Variants in ANGPT2 observed in about 807,000 individuals in gnomAD.
ANGPT2 encodes angiopoietin 2.
ANGPT2 carries 28 observed loss-of-function variants against 62.9 expected under a neutral mutation model. That is an observed-to-expected ratio of 0.44 (90% CI 0.33 to 0.61). ANGPT2 has a LOEUF of 0.61. Among genes scored for constraint, ANGPT2 ranks in the 20% least tolerant of loss-of-function variants. The pLI is 0.03. For synonymous variants in ANGPT2, 284 were observed against 207.8 expected (o/e 1.37, Z -3.15); for missense variants, 727 against 594.9 (o/e 1.22, Z -2.31).
chr8:6,559,313 C>T (rs760258002), intron 1 of ANGPT2, among the ~76,000 whole-genome samples: 8 of 151,986 alleles, frequency 5.3e-5, no homozygotes, highest in Non-Finnish European at 8.8e-5. Flanking sequence ...CCCCTGGGAG[C>T]CCCTCACCAT....
intron 1 of ANGPT2, among the ~76,000 whole-genome samples, chr8:6,542,092 A>G (rs1821694934): frequency 6.6e-6 from 1 of 152,140 alleles, no homozygotes; most frequent in Non-Finnish European, 1.5e-5. Flanking sequence ...AGATTGATGC[A>G]TTTAGGCTAC....
At chr8:6,557,384 C>G (rs925343347) in intron 1 of ANGPT2, among the ~76,000 whole-genome samples, 5 of 152,104 alleles carry the variant, frequency 3.3e-5, no homozygotes, top group Non-Finnish European at 7.4e-5. Flanking sequence ...GTGGAAAGTG[C>G]TTTAAGGTGA....
At chr8:6,505,991 CAT>C (rs1423343325) in intron 8 of ANGPT2, among the ~76,000 whole-genome samples, 2 of 108,794 alleles carry the variant, frequency 1.8e-5, no homozygotes, top group African/African-American at 9.0e-5. Context: ...TATATAAAAA[CAT>C]ATACATATTC....
At chr8:6,529,437 A>G (rs1486649615) in intron 2 of ANGPT2, among the ~76,000 whole-genome samples, 1 of 150,920 alleles carries the variant, frequency 6.6e-6, no homozygotes, top group African/African-American at 2.4e-5. Flanking sequence ...GGCCTTCCTT[A>G]AGCTCAGCCA....
chr8:6,513,569 G>A (rs1383021619), intron 7 of ANGPT2, 109 bp downstream of exon 7: 13 of 741,338 alleles, frequency 1.8e-5, no homozygotes, highest in African/African-American at 9.0e-5. Context: ...TCCTGACCTC[G>A]TGATCTGCCC....
rs139635159 is a variant in ANGPT2, at chr8:6,534,901, C to T, written c.289-2414G>A. ...AATAGCAGTTCGTAATTCTCCCCTC[C>T]GCTCATCGCCATGGGAGTAATGGAA... On this transcript the variant is annotated intron_variant, in intron 1 of 8. Transcript: ENST00000629816. Among the ~76,000 whole-genome samples, 540 of 152,262 alleles carry T rather than the reference C, an allele frequency of 3.5e-3. 2 individuals carry two copies. Among genetic ancestry groups the T allele is most frequent in the Non-Finnish European group, 6.4e-3 (438 of 68,030 alleles).
intron 8 of ANGPT2, among the ~76,000 whole-genome samples, chr8:6,505,201 TATATAGA>T (rs1383683123): frequency 8.6e-5 from 10 of 116,698 alleles, no homozygotes; most frequent in South Asian, 2.8e-4. Flanking sequence ...TTCTTATGTA[TATATAGA>T]ATATATATAT....
intron 6 of ANGPT2, among the ~76,000 whole-genome samples, 191 bp downstream of exon 6, chr8:6,514,486 G>A (rs1815839572): frequency 6.6e-6 from 1 of 152,190 alleles, no homozygotes; most frequent in Non-Finnish European, 1.5e-5. Flanking sequence ...AGCACGTCTG[G>A]CTGCAGCTTT....
chr8:6,520,092 A>T, intron 4 of ANGPT2, 101 bp from the exon 5 acceptor site: 1 of 1,380,074 alleles, frequency 7.2e-7, no homozygotes, highest in South Asian at 1.5e-5. Context: ...TTACTTTGGA[A>T]TTCTTAAGTA....
chr8:6,517,274 T>C (rs1816442590), intron 5 of ANGPT2, among the ~76,000 whole-genome samples: 1 of 152,188 alleles, frequency 6.6e-6, no homozygotes, highest in Admixed American at 6.5e-5. Context: ...CTGATATCTT[T>C]CTATAAAGCT....
At chr8:6,538,670 T>C (rs528606447) in intron 1 of ANGPT2, among the ~76,000 whole-genome samples, 9 of 152,352 alleles carry the variant, frequency 5.9e-5, no homozygotes, top group Middle Eastern at 3.4e-3. Context: ...TAAGCAAAGA[T>C]ACTCGTTTTG....
chr8:6,563,025 T>A lies in ANGPT2; in HGVS notation c.-91A>T. 1 of 1,367,374 alleles carries A rather than the reference T, an allele frequency of 7.3e-7. No homozygotes were observed. The highest frequency in any genetic ancestry group is 9.9e-7 in the Non-Finnish European group (1 of 1,012,034). 84.7% of individuals were successfully genotyped at this position (1,367,374 alleles called of 1,614,324 possible). On this transcript the variant is annotated 5_prime_UTR_variant, in exon 1 of 9. Coordinates refer to ENST00000629816, the MANE Select transcript of ANGPT2 (RefSeq NM_001118887.2). ...GCTGCTGCCGTCTAAAACGCAGGGC[T>A]GCTACGCTGCCATGGCTGGGTCCGT...
intron 1 of ANGPT2, among the ~76,000 whole-genome samples, chr8:6,539,727 C>T (rs1024849283): frequency 1.3e-5 from 2 of 152,292 alleles, no homozygotes; most frequent in South Asian, 4.2e-4. Flanking sequence ...GCTGGGGTTA[C>T]AGGCGCACAC....
chr8:6,533,927 A>G (rs1820009855), intron 1 of ANGPT2, among the ~76,000 whole-genome samples: 1 of 152,146 alleles, frequency 6.6e-6, no homozygotes, highest in African/African-American at 2.4e-5. Context: ...GATGCATTTC[A>G]TAGATTGTGT....
At chr8:6,530,263 T>G (rs1407084169) in intron 2 of ANGPT2, among the ~76,000 whole-genome samples, 2 of 151,934 alleles carry the variant, frequency 1.3e-5, no homozygotes, top group Non-Finnish European at 2.9e-5. Flanking sequence ...ATCCCAGCAG[T>G]TTGGGAGGCC....
In ANGPT2 at chr8:6,527,689, A is replaced by T; in HGVS notation, c.445-13T>A. The T allele has an allele frequency of 6.3e-7, 1 of 1,593,890 alleles. No homozygotes were observed. Among genetic ancestry groups the T allele is most frequent in the East Asian group, 2.2e-5 (1 of 44,612 alleles). ...TCTGATTTAATACCTAAATGTAACAAAATGAAGTTCCTATTAATTATTTTT... is the reference window on the plus strand; with the variant it reads ...TCTGATTTAATACCTAAATGTAACATAATGAAGTTCCTATTAATTATTTTT... On this transcript the variant is annotated splice_polypyrimidine_tract_variant and intron_variant, in intron 2 of 8. Coordinates refer to ENST00000629816, the MANE Select transcript of ANGPT2 (RefSeq NM_001118887.2).
At position 6,502,292 on chromosome 8, in the gene ANGPT2, C is replaced by T. The variant is rs958376173; in HGVS notation, c.*809G>A. The T allele has an allele frequency of 2.6e-5, 4 of 152,012 alleles. No homozygotes were observed. The highest frequency in any genetic ancestry group is 4.4e-5 in the Non-Finnish European group (3 of 67,988). The allele number at this position is 152,012 out of a possible 1,614,324, so 9.4% of individuals were successfully genotyped here. ...TATTATCATAAAAGTTAAACATAGGCATATCCCCTAATAAGTTATATTTAA... is the reference window on the plus strand; with the variant it reads ...TATTATCATAAAAGTTAAACATAGGTATATCCCCTAATAAGTTATATTTAA... On this transcript the variant is annotated 3_prime_UTR_variant, in exon 9 of 9. Coordinates refer to ENST00000629816, the MANE Select transcript of ANGPT2 (RefSeq NM_001118887.2).
intron 1 of ANGPT2, among the ~76,000 whole-genome samples, chr8:6,562,035 C>G (rs528745131): frequency 1.3e-5 from 2 of 152,174 alleles, no homozygotes; most frequent in Non-Finnish European, 2.9e-5. Context: ...GGGAACTGTG[C>G]CCCTGTTTAC....
At chr8:6,514,600 G>A (rs1815867350) in intron 6 of ANGPT2, 77 bp downstream of exon 6, 2 of 1,294,322 alleles carry the variant, frequency 1.5e-6, no homozygotes, top group Non-Finnish European at 1.1e-6. Flanking sequence ...TGGGATTGGT[G>A]GTTAAGGTTC....
Sources: gnomAD v4.1 joint callset for allele counts (sites outside exome capture counted in the v4.1 genomes callset) on GRCh38, gnomAD v4.1.1 for gene constraint, MANE v1.5 for transcripts, NCBI Gene and HGNC (gene_info 2026-07-23, HGNC 2026-07-21) for gene names.